The following GRM1 variants were observed in gnomAD, a reference collection of about 807,000 sequenced individuals.
GRM1 encodes metabotropic glutamate receptor 1.
Under a neutral mutation model 90.9 loss-of-function variants are expected in GRM1, and 33 were observed. The ratio of observed to expected loss-of-function variants is 0.36; its 90% confidence interval spans 0.28 to 0.49. GRM1 has a LOEUF of 0.49. Ranked by LOEUF, GRM1 falls within the 20% of genes least tolerant of loss-of-function variation. GRM1 has a pLI of 0.99. For missense variants in GRM1, 1,190 were observed against 1,534.3 expected (o/e 0.78, Z 3.75); for synonymous variants, 700 against 613.2 (o/e 1.14, Z -2.09).
At chr6:146,246,926 G>A (rs1042648948) in intron 2 of GRM1, among the ~76,000 whole-genome samples, 3 of 152,122 alleles carry the variant, frequency 2.0e-5, no homozygotes, top group African/African-American at 7.2e-5. Flanking sequence ...GTCTCTTTTG[G>A]ATCCAAGTTA....
At chr6:146,324,463 T>A (rs1784329621) in intron 3 of GRM1, among the ~76,000 whole-genome samples, 2 of 151,828 alleles carry the variant, frequency 1.3e-5, no homozygotes, top group Non-Finnish European at 1.5e-5. Context: ...TTAAAAAAAA[T>A]AAATAAAATT....
chr6:146,209,441 A>G (rs1002186830), intron 2 of GRM1, among the ~76,000 whole-genome samples: 17 of 152,148 alleles, frequency 1.1e-4, no homozygotes, highest in African/African-American at 4.1e-4. Context: ...CACTTTTTGT[A>G]CTTTAAATGT....
intron 1 of GRM1, among the ~76,000 whole-genome samples, chr6:146,033,697 C>T (rs1024417213): frequency 3.3e-5 from 5 of 151,970 alleles, no homozygotes; most frequent in Middle Eastern, 3.4e-3. Context: ...CTTGGTGTGA[C>T]ATTTTTTTGA....
chr6:146,191,672 C>CT (rs1778938354), intron 2 of GRM1, among the ~76,000 whole-genome samples: 1 of 152,064 alleles, frequency 6.6e-6, no homozygotes, highest in African/African-American at 2.4e-5. Context: ...TTTAATTAAT[C>CT]TTTTTGTTTT....
At chr6:146,165,497 A>G (rs1274878795) in intron 2 of GRM1, among the ~76,000 whole-genome samples, 4 of 152,164 alleles carry the variant, frequency 2.6e-5, no homozygotes, top group Non-Finnish European at 5.9e-5. Context: ...GAAGTGTGAC[A>G]TCTCCAAAAA....
chr6:146,422,811 C>G (rs1409251334), intron 7 of GRM1, among the ~76,000 whole-genome samples: 1 of 151,966 alleles, frequency 6.6e-6, no homozygotes, highest in Admixed American at 6.6e-5. Flanking sequence ...GCTGTTATAT[C>G]AAGGAAGACT....
chr6:146,087,656 T>C (rs1332659863), intron 1 of GRM1, among the ~76,000 whole-genome samples: 1 of 152,164 alleles, frequency 6.6e-6, no homozygotes, highest in Non-Finnish European at 1.5e-5. Context: ...TCTATAATTT[T>C]GTTATTTAAA....
intron 6 of GRM1, among the ~76,000 whole-genome samples, chr6:146,388,158 G>C (rs1167062860): frequency 6.6e-6 from 1 of 152,022 alleles, no homozygotes; most frequent in Non-Finnish European, 1.5e-5. Context: ...AGCCATAGAG[G>C]CTTTTTTATG....
chr6:146,048,112 A>G (rs1791399539), intron 1 of GRM1, among the ~76,000 whole-genome samples: 1 of 152,040 alleles, frequency 6.6e-6, no homozygotes, highest in Non-Finnish European at 1.5e-5. Context: ...AAAGCACTCC[A>G]TACAGCGTGT....
intron 2 of GRM1, among the ~76,000 whole-genome samples, chr6:146,165,873 A>G (rs1777886458): frequency 6.6e-6 from 1 of 152,118 alleles, no homozygotes; most frequent in South Asian, 2.1e-4. Context: ...GATTTACCTT[A>G]AAGTTGGTAA....
chr6:146,336,528 G>C (rs934878097), intron 3 of GRM1, among the ~76,000 whole-genome samples: 1 of 152,190 alleles, frequency 6.6e-6, no homozygotes, highest in South Asian at 2.1e-4. Context: ...GGCATTTCCT[G>C]TTCGCCTGAG....
chr6:146,309,183 G>T, intron 3 of GRM1, among the ~76,000 whole-genome samples: 1 of 152,072 alleles, frequency 6.6e-6, no homozygotes, highest in East Asian at 1.9e-4. Context: ...CAGATGGCTT[G>T]AGGTCAGGAG....
Position 146,091,479 on chromosome 6 carries a change from T to C in GRM1, c.700+61262T>C, listed in dbSNP as rs553740859. Among the ~76,000 whole-genome samples, 7 of 152,132 alleles carry C rather than the reference T, an allele frequency of 4.6e-5. No homozygotes were observed. The East Asian group carries it at 1.4e-3, about 29-fold the overall frequency. On this transcript the variant is annotated intron_variant, in intron 1 of 7. Coordinates refer to ENST00000282753, the MANE Select transcript of GRM1 (RefSeq NM_001278064.2). Reference sequence around the variant, plus strand: ...CTGAGCTTTAACAGATGAGTACAAGTGTGCTAGATGTTTGGTAGCTAGAGT... The same window carrying C: ...CTGAGCTTTAACAGATGAGTACAAGCGTGCTAGATGTTTGGTAGCTAGAGT...
chr6:146,042,332 G>GA (rs1359233434), intron 1 of GRM1, among the ~76,000 whole-genome samples: 1 of 152,012 alleles, frequency 6.6e-6, no homozygotes, highest in Non-Finnish European at 1.5e-5. Flanking sequence ...CTGAGAAAGG[G>GA]AGATGAGAGA....
At chr6:146,351,931 GGAGT>G (rs1785424806) in intron 3 of GRM1, among the ~76,000 whole-genome samples, 1 of 152,120 alleles carries the variant, frequency 6.6e-6, no homozygotes, top group Middle Eastern at 3.2e-3. Context: ...GAACAAAGAG[GGAGT>G]AAGAGTTATT....
At chr6:146,351,640 A>G (rs1338805515) in intron 3 of GRM1, among the ~76,000 whole-genome samples, 7 of 152,204 alleles carry the variant, frequency 4.6e-5, no homozygotes, top group African/African-American at 1.7e-4. Context: ...TGACTCTTCC[A>G]TCAAGAAACA....
chr6:146,332,703 C>T (rs935814826), intron 3 of GRM1, among the ~76,000 whole-genome samples: 7 of 152,280 alleles, frequency 4.6e-5, no homozygotes, highest in South Asian at 2.1e-4. Flanking sequence ...TCACAGGTTT[C>T]GGAAATTAGG....
intron 1 of GRM1, among the ~76,000 whole-genome samples, chr6:146,083,126 G>C (rs555595956): frequency 6.6e-6 from 1 of 152,288 alleles, no homozygotes; most frequent in African/African-American, 2.4e-5. Flanking sequence ...TCAGCTTAAA[G>C]AGTTTTTGGG....
intron 2 of GRM1, among the ~76,000 whole-genome samples, chr6:146,270,912 T>TCTTTCTTTCTTTCTTC (rs1782121052): frequency 7.0e-4 from 61 of 86,782 alleles, no homozygotes; most frequent in Non-Finnish European, 1.0e-3. Flanking sequence ...TTTCTTTCTT[T>TCTTTCTTTCTTTCTTC]CTTCCTTCCT....
Sources: gnomAD v4.1 joint callset for allele counts (sites outside exome capture counted in the v4.1 genomes callset) on GRCh38, gnomAD v4.1.1 for gene constraint, MANE v1.5 for transcripts, NCBI Gene and HGNC (gene_info 2026-07-23, HGNC 2026-07-21) for gene names.